SPEF2: variants seen among roughly 807,000 people sequenced by gnomAD.
The protein encoded by SPEF2 is sperm flagellar and cilia associated 2.
Under a neutral mutation model 224.6 loss-of-function variants are expected in SPEF2, and 187 were observed. The ratio of observed to expected loss-of-function variants is 0.83; its 90% confidence interval spans 0.74 to 0.94. The LOEUF is 0.94. Among genes scored for constraint, SPEF2 ranks in the 40% least tolerant of loss-of-function variants. SPEF2 has a pLI of 0.00. For synonymous variants in SPEF2, 715 were observed against 707.3 expected (o/e 1.01, Z -0.17); for missense variants, 2,170 against 2,135.6 (o/e 1.02, Z -0.32).
chr5:35,692,721 C>G lies in SPEF2; in HGVS notation c.1896C>G (p.Ser632Arg). Residue 632 changes from serine (S) to arginine (R), a missense_variant, in exon 12 of 37, where the codon AGC becomes AGG. Ser to Arg is a moderately radical substitution (Grantham distance 110). Transcript: ENST00000356031. ...LPVLQEEIKE[S>R]QDPQHVFSAG... Reference sequence around the variant, plus strand: ...TTCTGCAAGAGGAGATTAAAGAAAGCCAGGCAAGTGTGATTCTAGTTTTCT... The same window carrying G: ...TTCTGCAAGAGGAGATTAAAGAAAGGCAGGCAAGTGTGATTCTAGTTTTCT... 1 of 1,611,136 alleles carries G rather than the reference C, an allele frequency of 6.2e-7. No homozygotes were observed. The highest frequency in any genetic ancestry group is 2.2e-5 in the East Asian group (1 of 44,832).
intron 33 of SPEF2, among the ~76,000 whole-genome samples, chr5:35,796,378 C>T (rs1489951888): frequency 6.6e-6 from 1 of 152,142 alleles, no homozygotes; most frequent in Non-Finnish European, 1.5e-5. Context: ...GAGGCCGAGG[C>T]AGGCTGATCA....
intron 21 of SPEF2, among the ~76,000 whole-genome samples, chr5:35,735,018 CT>C (rs1561280959): frequency 1.3e-5 from 2 of 152,026 alleles, no homozygotes; most frequent in Non-Finnish European, 2.9e-5. Flanking sequence ...CCATGAATTG[CT>C]TTTTTATTGG....
At chr5:35,669,609 G>T (rs1750956777) in intron 9 of SPEF2, among the ~76,000 whole-genome samples, 1 of 152,082 alleles carries the variant, frequency 6.6e-6, no homozygotes, top group South Asian at 2.1e-4. Context: ...TGGGTTTGAA[G>T]AATGATTGTT....
chr5:35,741,575 C>G (rs1747644262), intron 23 of SPEF2, among the ~76,000 whole-genome samples: 1 of 152,116 alleles, frequency 6.6e-6, no homozygotes, highest in African/African-American at 2.4e-5. Context: ...CTGAGTGAGA[C>G]AGGAAGCATT....
intron 10 of SPEF2, among the ~76,000 whole-genome samples, chr5:35,680,425 C>G (rs1250217127): frequency 6.6e-6 from 1 of 152,116 alleles, no homozygotes. Context: ...CATCTTTGTA[C>G]TTAGTTAAAA....
rs1022629708 is a variant in SPEF2 at position 35,690,735 on chromosome 5, T to C, written c.1525-302T>C. Among the ~76,000 whole-genome samples the C allele has an allele frequency of 4.6e-5, 7 of 152,182 alleles. 1 individual carries two copies. The highest frequency in any genetic ancestry group is 5.9e-5 in the Non-Finnish European group (4 of 68,014). ...TGATTACTGTCTTTTATCTGCTTAC[T>C]GGTGATAACATCAATTTAAATGTCT... On this transcript the variant is annotated intron_variant, in intron 10 of 36. Transcript: ENST00000356031.
intron 21 of SPEF2, among the ~76,000 whole-genome samples, chr5:35,734,503 C>T (rs139564153): frequency 4.0e-4 from 57 of 142,344 alleles, no homozygotes; most frequent in African/African-American, 1.3e-3. Context: ...AGGAAGTTTA[C>T]GAATTTATAT....
At chr5:35,638,614 A>T (rs1746163002) in intron 2 of SPEF2, among the ~76,000 whole-genome samples, 1 of 152,016 alleles carries the variant, frequency 6.6e-6, no homozygotes, top group African/African-American at 2.4e-5. Context: ...TTCTAATAAA[A>T]CTTTGGACAT....
intron 28 of SPEF2, 125 bp from the exon 29 acceptor site, chr5:35,776,132 G>T: frequency 1.2e-6 from 1 of 846,506 alleles, no homozygotes; most frequent in Non-Finnish European, 1.8e-6. Flanking sequence ...TATCTATTCT[G>T]GTATATTAAA....
chr5:35,665,326 C>T (rs1332932554), intron 8 of SPEF2, among the ~76,000 whole-genome samples: 1 of 151,938 alleles, frequency 6.6e-6, no homozygotes, highest in Non-Finnish European at 1.5e-5. Context: ...TGGCTGCAAC[C>T]CACTTAGCTG....
chr5:35,789,142 C>G, intron 30 of SPEF2: 2 of 702,836 alleles, frequency 2.8e-6, no homozygotes, highest in Non-Finnish European at 5.2e-6. Flanking sequence ...TATGTTGTTC[C>G]CAACCTGTGT....
chr5:35,762,624 C>T (rs148767516), intron 25 of SPEF2, among the ~76,000 whole-genome samples: 6 of 152,094 alleles, frequency 3.9e-5, no homozygotes, highest in Non-Finnish European at 7.4e-5. Context: ...GATTCTGACT[C>T]TCCTCCTCTA....
rs185168952 is a variant in SPEF2 at position 35,795,887 on chromosome 5, C to T, written c.4830+92C>T. ...ACTTATGTAACTTGGCTGTGGACTG[C>T]ACCCCTGCCCCTCAATTCCTCTGCT... On this transcript the variant is annotated intron_variant, in intron 33 of 36. Transcript: ENST00000356031. 2.5e-3 allele frequency: 2,635 copies of T among 1,059,670 alleles called. 8 individuals are homozygous for T. Among genetic ancestry groups the T allele is most frequent in the Non-Finnish European group, 3.3e-3 (2,324 of 703,854 alleles). 65.6% of individuals were successfully genotyped at this position (1,059,670 alleles called of 1,614,324 possible). A position where few individuals can be genotyped will look rare whatever the true frequency, so the allele number is the denominator to read the frequency against.
intron 26 of SPEF2, among the ~76,000 whole-genome samples, chr5:35,770,917 A>T (rs1752745537): frequency 6.6e-6 from 1 of 152,144 alleles, no homozygotes; most frequent in Non-Finnish European, 1.5e-5. Context: ...CCTTGGGGTT[A>T]GCTTGTGGAA....
chr5:35,693,461 C>G (rs564053203), intron 12 of SPEF2, among the ~76,000 whole-genome samples: 1 of 152,224 alleles, frequency 6.6e-6, no homozygotes, highest in East Asian at 1.9e-4. Flanking sequence ...AAAGGTTTAC[C>G]TGTATCATAT....
At chr5:35,688,863 T>C (rs1176717593) in intron 10 of SPEF2, among the ~76,000 whole-genome samples, 3 of 152,206 alleles carry the variant, frequency 2.0e-5, no homozygotes, top group Non-Finnish European at 4.4e-5. Context: ...CAATGTCAAT[T>C]AGTATCTTCA....
Position 35,654,627 on chromosome 5 carries a change from C to T in SPEF2, c.879C>T (p.Ile293=). The T allele has an allele frequency of 6.2e-7, 1 of 1,613,656 alleles. No individual in the cohort carries two copies. Among genetic ancestry groups the T allele is most frequent in the Non-Finnish European group, 8.5e-7 (1 of 1,179,868 alleles). ...TYSDDEYIKK[I]QKRLEEDAFA... ...CAGATGACGAGTACATTAAAAAAAT[C>T]CAGAAGCGCCTTGAAGAAGATGCTT... Residue 293 remains isoleucine, a synonymous_variant, in exon 7 of 37, where the codon ATC becomes ATT. Coordinates refer to ENST00000356031, the MANE Select transcript of SPEF2 (RefSeq NM_024867.4).
At chr5:35,655,894 A>C (rs528406661) in intron 7 of SPEF2, among the ~76,000 whole-genome samples, 1 of 152,330 alleles carries the variant, frequency 6.6e-6, no homozygotes, top group African/African-American at 2.4e-5. Flanking sequence ...CTCTGGCTTT[A>C]GTTTGGAGAA....
At chr5:35,805,838 T>C (rs1177121446) in intron 34 of SPEF2, among the ~76,000 whole-genome samples, 1 of 152,164 alleles carries the variant, frequency 6.6e-6, no homozygotes, top group Non-Finnish European at 1.5e-5. Context: ...TTTGCACTTA[T>C]TCTATCATGA....
Sources: allele counts gnomAD v4.1 joint callset (sites outside exome capture counted in the v4.1 genomes callset), GRCh38; gene constraint gnomAD v4.1.1; transcripts MANE v1.5; gene names NCBI Gene and HGNC (gene_info 2026-07-23, HGNC 2026-07-21).